PDLIM5: variants seen among roughly 807,000 people sequenced by gnomAD.
The protein encoded by PDLIM5 is PDZ and LIM domain 5.
Under a neutral mutation model 64.2 loss-of-function variants are expected in PDLIM5, and 34 were observed. The ratio of observed to expected loss-of-function variants is 0.53; its 90% CI spans 0.40 to 0.71. The LOEUF is 0.71. Ranked by LOEUF, PDLIM5 falls within the 30% of genes least tolerant of loss-of-function variation. The pLI is 0.00. For missense variants in PDLIM5, 683 were observed against 733.6 expected (o/e 0.93, Z 0.80); for synonymous variants, 253 against 269.1 (o/e 0.94, Z 0.59).
At chr4:94,655,117 T>TA (rs1368625596) in intron 10 of PDLIM5, among the ~76,000 whole-genome samples, 3 of 152,218 alleles carry the variant, frequency 2.0e-5, no homozygotes, top group Non-Finnish European at 2.9e-5. Context: ...TTATAAATGA[T>TA]ATATTTTTCT....
intron 11 of PDLIM5, among the ~76,000 whole-genome samples, chr4:94,661,852 A>G (rs1742747488): frequency 6.8e-6 from 1 of 147,708 alleles, no homozygotes; most frequent in Non-Finnish European, 1.5e-5. Context: ...AGACAGTCTC[A>G]CTCTTGTCAC....
intron 8 of PDLIM5, among the ~76,000 whole-genome samples, chr4:94,628,874 T>C (rs1739911824): frequency 6.6e-6 from 1 of 152,354 alleles, no homozygotes; most frequent in East Asian, 1.9e-4. Flanking sequence ...TGATCCTCTT[T>C]AGTATTCCTG....
chr4:94,509,970 G>C (rs1345906209), intron 2 of PDLIM5, among the ~76,000 whole-genome samples: 1 of 152,116 alleles, frequency 6.6e-6, no homozygotes, highest in Non-Finnish European at 1.5e-5. Flanking sequence ...ATCCAATCAA[G>C]TTGCCACGCA....
chr4:94,647,348 A>T (rs1307068088), intron 9 of PDLIM5, among the ~76,000 whole-genome samples: 2 of 152,152 alleles, frequency 1.3e-5, no homozygotes, highest in African/African-American at 4.8e-5. Context: ...AGTGAGAATG[A>T]CTGTACTAAT....
At chr4:94,460,404 T>C (rs1723770716) in intron 2 of PDLIM5, among the ~76,000 whole-genome samples, 1 of 152,206 alleles carries the variant, frequency 6.6e-6, no homozygotes, top group African/African-American at 2.4e-5. Flanking sequence ...AGAGAAATGT[T>C]ACTGGTAGGC....
intron 2 of PDLIM5, among the ~76,000 whole-genome samples, chr4:94,504,769 C>G (rs1397534686): frequency 6.6e-6 from 1 of 152,142 alleles, no homozygotes; most frequent in Non-Finnish European, 1.5e-5. Context: ...TAGACATACC[C>G]AGGAATCTCA....
chr4:94,569,316 CGTTT>C (rs1349177076), intron 3 of PDLIM5, among the ~76,000 whole-genome samples: 7 of 138,572 alleles, frequency 5.1e-5, no homozygotes, highest in Non-Finnish European at 7.7e-5. Context: ...TTTACCCCTT[CGTTT>C]GTTTGTTTGT....
chr4:94,666,628 G>A lies in PDLIM5; in HGVS notation c.*2561G>A, dbSNP rs182959183. 2.1e-4 allele frequency: 32 copies of A among 152,636 alleles called. No individual in the cohort carries two copies. The highest frequency in any genetic ancestry group is 7.2e-4 in the African/African-American group (30 of 41,542). The allele number at this position is 152,636 out of a possible 1,614,324, so 9.5% of individuals were successfully genotyped here. On this transcript the variant is annotated 3_prime_UTR_variant, in exon 13 of 13. Transcript: ENST00000317968. ...TAGGTTATATGCCAAGATAGTATTTGATAAGTCAATGACATTTGGATGTTT... is the reference window on the plus strand; with the variant it reads ...TAGGTTATATGCCAAGATAGTATTTAATAAGTCAATGACATTTGGATGTTT...
intron 8 of PDLIM5, among the ~76,000 whole-genome samples, chr4:94,621,070 CAAAAAAAAAAAA>C (rs10526750): frequency 7.4e-5 from 6 of 81,602 alleles, no homozygotes; most frequent in African/African-American, 1.7e-4. Flanking sequence ...GACTCTGTCT[CAAAAAAAAAAAA>C]AAAAAAAAAA....
In PDLIM5 at chr4:94,639,857, G is replaced by A. The variant is rs11722126; in HGVS notation, c.1109-419G>A. Among the ~76,000 whole-genome samples, 12 of 151,992 alleles carry A rather than the reference G, an allele frequency of 7.9e-5. 1 individual carries two copies. Among genetic ancestry groups the A allele is most frequent in the South Asian group, 4.2e-4 (2 of 4,804 alleles). On this transcript the variant is annotated intron_variant, in intron 8 of 12. Transcript: ENST00000317968. ...CAGCGGACCAACATGGAGAAACCCC[G>A]TCTCTACTAAAAATACAAAATTAGC...
In PDLIM5 at chr4:94,644,116, ATAATAGT is replaced by A. The variant is rs572025762; in HGVS notation, c.1283+3670_1283+3676del. Among the ~76,000 whole-genome samples, 148 of 152,332 alleles carry A rather than the reference ATAATAGT, an allele frequency of 9.7e-4. No individual in the cohort carries two copies. The Middle Eastern group carries it at 0.017, about 18-fold the overall frequency. The stretch of plus-strand genomic sequence containing the variant: ...AGCATCTATATAATGTAATTTTCAG[ATAATAGT>A]TAAAGTTAAATGTGTTTTTAGCATA... On this transcript the variant is annotated intron_variant, in intron 9 of 12. Transcript: ENST00000317968.
At chr4:94,568,386 G>A (rs1228083259) in intron 3 of PDLIM5, among the ~76,000 whole-genome samples, 1 of 149,332 alleles carries the variant, frequency 6.7e-6, no homozygotes. Flanking sequence ...GGGACATATA[G>A]AATAGATTGT....
chr4:94,554,005 A>G (rs1343656105), intron 3 of PDLIM5, among the ~76,000 whole-genome samples: 1 of 152,212 alleles, frequency 6.6e-6, no homozygotes, highest in African/African-American at 2.4e-5. Flanking sequence ...TTGAAAAATG[A>G]CTATATCATA....
intron 8 of PDLIM5, among the ~76,000 whole-genome samples, chr4:94,638,721 C>T (rs2110452937): frequency 6.6e-6 from 1 of 152,322 alleles, no homozygotes; most frequent in South Asian, 2.1e-4. Flanking sequence ...TGCACCTTTT[C>T]TCTTCCATTA....
intron 2 of PDLIM5, among the ~76,000 whole-genome samples, chr4:94,503,075 G>A (rs2452563): frequency 0.58 from 87,984 of 151,950 alleles, 27,897 homozygotes; most frequent in African/African-American, 0.85. Flanking sequence ...GACATTTTTG[G>A]TAATGATTGT....
At chr4:94,473,002 G>A (rs1725012048) in intron 2 of PDLIM5, among the ~76,000 whole-genome samples, 1 of 152,168 alleles carries the variant, frequency 6.6e-6, no homozygotes, top group Non-Finnish European at 1.5e-5. Flanking sequence ...GTGATAAAAT[G>A]GTATGGAGCA....
At chr4:94,631,083 G>A (rs997138327) in intron 8 of PDLIM5, among the ~76,000 whole-genome samples, 6 of 56,616 alleles carry the variant, frequency 1.1e-4, no homozygotes, top group Non-Finnish European at 2.3e-4. Flanking sequence ...TTTTTTTTTT[G>A]TAGAGATGGG....
chr4:94,587,952 C>T (rs1560724008), intron 7 of PDLIM5: 2 of 980,106 alleles, frequency 2.0e-6, no homozygotes, highest in Non-Finnish European at 2.4e-6. Flanking sequence ...ACGTAAACTA[C>T]TGTGCACTGC....
At chr4:94,540,836 TG>T in intron 3 of PDLIM5, among the ~76,000 whole-genome samples, 1 of 152,338 alleles carries the variant, frequency 6.6e-6, no homozygotes, top group East Asian at 1.9e-4. Context: ...AAAACTTATT[TG>T]TCAGCTTTTG....
Sources: allele counts gnomAD v4.1 joint callset (sites outside exome capture counted in the v4.1 genomes callset), GRCh38; gene constraint gnomAD v4.1.1; transcripts MANE v1.5; gene names NCBI Gene and HGNC (gene_info 2026-07-23, HGNC 2026-07-21).